Variants in MET observed in about 807,000 individuals in gnomAD.
The protein encoded by MET is MET proto-oncogene, receptor tyrosine kinase.
A neutral mutation model predicts 133.1 loss-of-function variants in MET; 48 were observed. The ratio of observed to expected loss-of-function variants is 0.36; its 90% CI spans 0.29 to 0.46. MET has a LOEUF of 0.46. Ranked by LOEUF, MET falls within the 20% of genes least tolerant of loss-of-function variation. The pLI, the probability that MET is intolerant of heterozygous loss-of-function variation, is 1.00. For missense variants in MET, 1,442 were observed against 1,695.9 expected (o/e 0.85, Z 2.63); for synonymous variants, 628 against 616.5 (o/e 1.02, Z -0.28).
At chr7:116,731,003 C>T (rs1792982428) in intron 2 of MET, among the ~76,000 whole-genome samples, 2 of 152,224 alleles carry the variant, frequency 1.3e-5, no homozygotes, top group South Asian at 2.1e-4. Context: ...TATAAACTAG[C>T]TTGTTTAATA....
chr7:116,755,232 A>G, intron 5 of MET, 123 bp from the exon 6 acceptor site: 1 of 1,191,238 alleles, frequency 8.4e-7, no homozygotes, highest in Non-Finnish European at 1.2e-6. Context: ...TTTTTACTAA[A>G]TTGTGGGAAA....
intron 5 of MET, among the ~76,000 whole-genome samples, chr7:116,754,856 GGAAAGAAAAA>G (rs1274362652): frequency 7.8e-6 from 1 of 128,858 alleles, no homozygotes; most frequent in Non-Finnish European, 1.6e-5. Flanking sequence ...AGGAAGGGAG[GGAAAGAAAAA>G]GAAAGAAAGA....
chr7:116,681,540 A>G (rs1282449283), intron 1 of MET, among the ~76,000 whole-genome samples: 2 of 152,218 alleles, frequency 1.3e-5, no homozygotes, highest in Non-Finnish European at 2.9e-5. Context: ...TACAAAGTTC[A>G]TACTAGCATG....
At chr7:116,768,555 A>G (rs946459211) in intron 11 of MET, among the ~76,000 whole-genome samples, 2 of 152,212 alleles carry the variant, frequency 1.3e-5, no homozygotes, top group Non-Finnish European at 2.9e-5. Flanking sequence ...TCAGGTTATA[A>G]AGAAGTATTT....
At chr7:116,701,700 T>G (rs2299438) in intron 2 of MET, among the ~76,000 whole-genome samples, 36,691 of 152,042 alleles carry the variant, frequency 0.24, 4,523 homozygotes, top group East Asian at 0.34. Flanking sequence ...AAGCTCCCCC[T>G]TTTCTTTACT....
At chr7:116,783,894 C>T (rs1405368883) in intron 19 of MET, among the ~76,000 whole-genome samples, 2 of 152,190 alleles carry the variant, frequency 1.3e-5, no homozygotes, top group Non-Finnish European at 2.9e-5. Context: ...AGGGCATGAT[C>T]CCTGGGCCTA....
At chr7:116,682,363 A>G (rs1796392648) in intron 1 of MET, among the ~76,000 whole-genome samples, 5 of 152,228 alleles carry the variant, frequency 3.3e-5, no homozygotes, top group Admixed American at 3.3e-4. Flanking sequence ...GATGATCATT[A>G]TATGTGATTT....
chr7:116,752,169 G>A (rs1342598916), intron 5 of MET, among the ~76,000 whole-genome samples: 2 of 152,328 alleles, frequency 1.3e-5, no homozygotes, highest in Admixed American at 1.3e-4. Flanking sequence ...TAGGAGGGTA[G>A]GCAGGCAGTA....
rs773626056 is a variant in MET, at chr7:116,731,747, T to C, written c.1280T>C (p.Val427Ala). ...GAGTTTACCACAGCTTTGCAGCGCG[T>C]TGACTTATTCATGGGTCAATTCAGC... ...RTEFTTALQR[V>A]DLFMGQFSEV... Residue 427 changes from valine (V) to alanine (A), a missense_variant, in exon 3 of 21, where the codon GTT (valine) becomes GCT (alanine). By Grantham distance (64) the Val-to-Ala change is moderately conservative (BLOSUM62 0). Around this residue, in one of 6 missense-constraint regions of MET, gnomAD observed 762 missense variants for 792.4 expected, o/e 0.96. Transcript: ENST00000397752. The C allele has an allele frequency of 6.2e-7, 1 of 1,614,148 alleles. No individual in the cohort carries two copies. The highest frequency in any genetic ancestry group is 8.5e-7 in the Non-Finnish European group (1 of 1,179,994).
intron 19 of MET, among the ~76,000 whole-genome samples, chr7:116,791,382 T>A (rs1277427459): frequency 6.6e-6 from 1 of 152,188 alleles, no homozygotes; most frequent in Non-Finnish European, 1.5e-5. Context: ...GCTTTCTGAT[T>A]GTTAGTCATT....
intron 1 of MET, among the ~76,000 whole-genome samples, chr7:116,686,527 G>A (rs1220275126): frequency 6.6e-6 from 1 of 152,182 alleles, no homozygotes; most frequent in Admixed American, 6.5e-5. Flanking sequence ...GTTGTCCCCA[G>A]CTAAAAAGTA....
chr7:116,701,229 G>A (rs186774701), intron 2 of MET, among the ~76,000 whole-genome samples: 267 of 152,154 alleles, frequency 1.8e-3, no homozygotes, highest in African/African-American at 6.2e-3. Flanking sequence ...TTTGGAATAC[G>A]GACCTGACTA....
chr7:116,795,628 C>A, intron 19 of MET, 27 bp from the exon 20 acceptor site: 1 of 1,612,992 alleles, frequency 6.2e-7, no homozygotes, highest in Non-Finnish European at 8.5e-7. Flanking sequence ...TCTCTCACCT[C>A]ATCTGTCCTG....
At chr7:116,774,628 T>C (rs1038680326) in intron 14 of MET, among the ~76,000 whole-genome samples, 6 of 152,240 alleles carry the variant, frequency 3.9e-5, no homozygotes, top group African/African-American at 1.4e-4. Flanking sequence ...ACCATAAGCA[T>C]GGCTTTTTGC....
intron 18 of MET, among the ~76,000 whole-genome samples, chr7:116,782,619 C>T (rs372516956): frequency 6.6e-6 from 1 of 152,176 alleles, no homozygotes; most frequent in African/African-American, 2.4e-5. Context: ...TTCATGTTTT[C>T]CCTTGCATAG....
intron 19 of MET, among the ~76,000 whole-genome samples, chr7:116,785,456 A>C (rs1795283723): frequency 6.6e-6 from 1 of 152,178 alleles, no homozygotes; most frequent in South Asian, 2.1e-4. Flanking sequence ...CAAGGTGGTG[A>C]CAAGCTTTCA....
intron 2 of MET, among the ~76,000 whole-genome samples, chr7:116,724,433 G>A (rs917266638): frequency 1.3e-5 from 2 of 152,238 alleles, no homozygotes; most frequent in East Asian, 3.9e-4. Context: ...CGTCTTCTGC[G>A]TCGCTCACGC....
chr7:116,707,764 A>G (rs1791854501), intron 2 of MET, among the ~76,000 whole-genome samples: 3 of 152,170 alleles, frequency 2.0e-5, no homozygotes, highest in Admixed American at 2.0e-4. Context: ...GGAGATTACA[A>G]GCACTAATGC....
chr7:116,675,754 C>CT (rs202113885), intron 1 of MET, among the ~76,000 whole-genome samples: 3,035 of 146,292 alleles, frequency 0.021, 41 homozygotes, highest in Middle Eastern at 0.029. Flanking sequence ...TTCTCTCTCT[C>CT]TTTTTTTTTT....
Sources: allele counts gnomAD v4.1 joint callset (sites outside exome capture counted in the v4.1 genomes callset), GRCh38; gene constraint gnomAD v4.1.1; regional missense constraint gnomAD v4.1.1; transcripts MANE v1.5; gene names NCBI Gene and HGNC (gene_info 2026-07-23, HGNC 2026-07-21).